PTPRS: variants seen among roughly 807,000 people sequenced by gnomAD.
PTPRS encodes the protein receptor-type tyrosine-protein phosphatase S.
A neutral mutation model predicts 215.3 loss-of-function variants in PTPRS; 63 were observed. That is an observed-to-expected ratio of 0.29 (90% CI 0.24 to 0.36). PTPRS has a LOEUF of 0.36. Among genes scored for constraint, PTPRS ranks in the 10% least tolerant of loss-of-function variants. The probability of loss-of-function intolerance (pLI) is 1.00; values close to 1 mark genes in which losing one functional copy is unlikely to be tolerated. For synonymous variants in PTPRS, 1,404 were observed against 1,191.4 expected (o/e 1.18, Z -3.68); for missense variants, 2,258 against 2,825.8 (o/e 0.80, Z 4.56).
chr19:5,303,902 G>T (rs757632312), intron 1 of PTPRS, among the ~76,000 whole-genome samples: 3 of 134,430 alleles, frequency 2.2e-5, no homozygotes, highest in Non-Finnish European at 4.6e-5. Flanking sequence ...TGTGAGCCAA[G>T]ATCACACCAC....
intron 7 of PTPRS, among the ~76,000 whole-genome samples, chr19:5,259,768 C>T (rs2045842291): frequency 3.9e-5 from 6 of 152,158 alleles, no homozygotes. Flanking sequence ...CTGAGCTTTC[C>T]AGCCTTGTTT....
chr19:5,241,395 C>T (rs575425665), intron 11 of PTPRS, among the ~76,000 whole-genome samples: 4 of 151,454 alleles, frequency 2.6e-5, no homozygotes, highest in East Asian at 2.0e-4. Context: ...GTGATCCTCT[C>T]GCCTCACCCT....
chr19:5,322,974 C>G (rs895135611), intron 1 of PTPRS, among the ~76,000 whole-genome samples: 1 of 151,638 alleles, frequency 6.6e-6, no homozygotes, highest in Admixed American at 6.6e-5. Context: ...CTGGGAAGAG[C>G]TGCTTAGGCA....
intron 16 of PTPRS, among the ~76,000 whole-genome samples, chr19:5,228,589 C>T (rs1350010287): frequency 6.6e-6 from 1 of 152,144 alleles, no homozygotes; most frequent in Non-Finnish European, 1.5e-5. Context: ...GGTGAGCCAC[C>T]TGCCTCAACC....
intron 16 of PTPRS, among the ~76,000 whole-genome samples, chr19:5,228,128 G>A (rs1283744885): frequency 6.6e-6 from 1 of 151,986 alleles, no homozygotes; most frequent in Non-Finnish European, 1.5e-5. Context: ...GATCCAGTGT[G>A]GGTGAGAGAT....
At chr19:5,239,164 G>GTA in intron 12 of PTPRS, 101 bp from the exon 13 acceptor site, 2 of 432,332 alleles carry the variant, frequency 4.6e-6, no homozygotes, top group East Asian at 1.4e-4. Flanking sequence ...GGGGGGAGGG[G>GTA]GAGAGAGAGA....
intron 1 of PTPRS, among the ~76,000 whole-genome samples, chr19:5,316,445 T>A (rs926911271): frequency 2.0e-5 from 3 of 152,036 alleles, no homozygotes; most frequent in African/African-American, 4.8e-5. Context: ...GAGGCTGGAG[T>A]GTGGTGCTGT....
At position 5,216,709 on chromosome 19, in the gene PTPRS, C is replaced by A. The variant is rs773286341; in HGVS notation, c.4096+11G>T. The A allele has an allele frequency of 1.9e-6, 3 of 1,555,880 alleles. No individual in the cohort carries two copies. Among genetic ancestry groups the A allele is most frequent in the Non-Finnish European group, 2.6e-6 (3 of 1,144,510 alleles). On this transcript the variant is annotated intron_variant, in intron 26 of 37. Coordinates refer to ENST00000262963, the MANE Select transcript of PTPRS (RefSeq NM_002850.4). Reference sequence around the variant, plus strand: ...GGCGAAAGGAAGCCAAAAACAGACACAAGAACTAACTTTCAAAGTGAAACC... The same window carrying A: ...GGCGAAAGGAAGCCAAAAACAGACAAAAGAACTAACTTTCAAAGTGAAACC...
At chr19:5,277,492 T>C (rs1350304432) in intron 2 of PTPRS, among the ~76,000 whole-genome samples, 1 of 151,516 alleles carries the variant, frequency 6.6e-6, no homozygotes, top group Non-Finnish European at 1.5e-5. Flanking sequence ...CCATCTCTAC[T>C]AAAAATACAA....
At chr19:5,333,105 C>G (rs560167333) in intron 1 of PTPRS, among the ~76,000 whole-genome samples, 1 of 151,878 alleles carries the variant, frequency 6.6e-6, no homozygotes, top group East Asian at 1.9e-4. Flanking sequence ...GCTGAGATCA[C>G]GCCGTTGCAC....
intron 4 of PTPRS, among the ~76,000 whole-genome samples, chr19:5,268,187 AAATTAATT>A (rs201662444): frequency 4.9e-4 from 73 of 150,268 alleles, no homozygotes; most frequent in African/African-American, 1.7e-3. Context: ...ATAAATAAAT[AAATTAATT>A]AATTAATTAA....
intron 13 of PTPRS, among the ~76,000 whole-genome samples, chr19:5,234,606 C>T (rs925767171): frequency 2.6e-5 from 4 of 152,174 alleles, no homozygotes; most frequent in African/African-American, 9.7e-5. Flanking sequence ...TAAGCAGCAC[C>T]TACTATGTGC....
At chr19:5,219,289 C>T (rs143311971) in intron 23 of PTPRS, 21 bp downstream of exon 23, 27 of 1,613,610 alleles carry the variant, frequency 1.7e-5, no homozygotes, top group Non-Finnish European at 2.0e-5. Context: ...CAAGTCAAGT[C>T]GGGGAGGACA....
Position 5,287,314 on chromosome 19 carries a change from G to T in PTPRS, c.-94-1080C>A, listed in dbSNP as rs1037903797. 6.6e-6 allele frequency among the ~76,000 whole-genome samples: 1 copy of T among 152,126 alleles called. No homozygotes were observed. Among genetic ancestry groups the T allele is most frequent in the Non-Finnish European group, 1.5e-5 (1 of 68,018 alleles). On this transcript the variant is annotated intron_variant, in intron 1 of 37. Coordinates refer to ENST00000262963, the MANE Select transcript of PTPRS (RefSeq NM_002850.4). This position sits in a 1 kb window ranked among gnomAD's most constrained non-coding sequence, Gnocchi z 4.8. ...TCCCGGAGCATCAGATATGACTAAG[G>T]TTATCCTCCGTGGTATTCACCCTGG...
intron 2 of PTPRS, among the ~76,000 whole-genome samples, chr19:5,283,470 G>A (rs535276654): frequency 9.9e-5 from 15 of 152,194 alleles, no homozygotes; most frequent in South Asian, 2.1e-4. Context: ...CCAGCTACTC[G>A]GGAGGCTGAG....
intron 1 of PTPRS, among the ~76,000 whole-genome samples, chr19:5,308,535 G>C (rs2049578458): frequency 6.6e-6 from 1 of 152,308 alleles, no homozygotes; most frequent in South Asian, 2.1e-4. Flanking sequence ...GCTAGTTGTG[G>C]CTGGTGGTGA....
rs762745270 is a variant in PTPRS at position 5,210,773 on chromosome 19, G to A, written c.5267C>T (p.Pro1756Leu). Reference protein sequence around the residue: ...QQKAYIATQGPLAETTEDFWR... With the variant: ...QQKAYIATQGLLAETTEDFWR... ...GAAGTCTTCCGTGGTCTCCGCCAGC[G>A]GCCCCTGTGTCGCGATGTAGGCCTT... The change falls in exon 34 of 38, where the codon CCG (proline) becomes CTG (leucine). Residue 1756 changes from proline (P) to leucine (L), a missense_variant. Pro to Leu is a moderately conservative substitution (Grantham distance 98). Transcript: ENST00000262963. The surrounding 1 kb of genome is among the most constrained non-coding windows in gnomAD (Gnocchi z 4.5). 17 of 1,614,052 alleles carry A rather than the reference G, an allele frequency of 1.1e-5. No homozygotes were observed. Among genetic ancestry groups the A allele is most frequent in the Non-Finnish European group, 1.4e-5 (17 of 1,180,032 alleles).
intron 2 of PTPRS, among the ~76,000 whole-genome samples, chr19:5,284,698 G>T (rs979938916): frequency 1.3e-5 from 2 of 152,114 alleles, no homozygotes; most frequent in Admixed American, 6.6e-5. Flanking sequence ...TGTAATTCTA[G>T]CACTTTGGGA....
chr19:5,280,791 T>C (rs2047781822), intron 2 of PTPRS, among the ~76,000 whole-genome samples: 1 of 146,128 alleles, frequency 6.8e-6, no homozygotes, highest in South Asian at 2.2e-4. Flanking sequence ...CCTTAACTTT[T>C]TTTTTTTGTT....
Sources: allele counts gnomAD v4.1 joint callset (sites outside exome capture counted in the v4.1 genomes callset), GRCh38; gene constraint gnomAD v4.1.1; non-coding constraint Gnocchi (gnomAD v3.1); transcripts MANE v1.5; gene names NCBI Gene and HGNC (gene_info 2026-07-23, HGNC 2026-07-21).